Variants in ASCC2 observed in about 807,000 individuals in gnomAD.
ASCC2 encodes activating signal cointegrator 1 complex subunit 2.
A neutral mutation model predicts 93.5 loss-of-function variants in ASCC2; 42 were observed. That is an observed-to-expected ratio of 0.45 (90% CI 0.35 to 0.58). The LOEUF (loss-of-function observed/expected upper bound fraction) is 0.58, where lower values mean the gene tolerates loss of function less well. Ranked by LOEUF, ASCC2 falls within the 20% of genes least tolerant of loss-of-function variation. ASCC2 has a pLI of 0.00. For missense variants in ASCC2, 859 were observed against 977.6 expected (o/e 0.88, Z 1.62); for synonymous variants, 364 against 384.2 (o/e 0.95, Z 0.62).
chr22:29,802,140 T>C lies in ASCC2; in HGVS notation c.1422A>G (p.Gln474=). The change falls in exon 14 of 20, where the codon CAA becomes CAG. Residue 474 remains glutamine (Q), a synonymous_variant. Coordinates refer to ENST00000307790, the MANE Select transcript of ASCC2 (RefSeq NM_032204.5). ...CAAGGTCTGGCAGCAGGTCCTTCACTTGGGAGATGAGAGAGTCCAGTTCCA... is the reference window on the plus strand; with the variant it reads ...CAAGGTCTGGCAGCAGGTCCTTCACCTGGGAGATGAGAGAGTCCAGTTCCA... ...CGVELDSLIS[Q]VKDLLPDLGE... is the part of the protein sequence containing the mutation. 1.2e-6 allele frequency: 2 copies of C among 1,614,184 alleles called. No homozygotes were observed. Among genetic ancestry groups the C allele is most frequent in the Non-Finnish European group, 1.7e-6 (2 of 1,180,022 alleles).
intron 7 of ASCC2, 104 bp from the exon 8 acceptor site, chr22:29,813,646 G>T (rs1279756505): frequency 1.3e-6 from 1 of 759,924 alleles, no homozygotes; most frequent in Non-Finnish European, 2.2e-6. Context: ...AAACAGGCAG[G>T]ATGTTACACA....
In ASCC2 at chr22:29,827,757, G is replaced by GACACACACACAC. The variant is rs35763537; in HGVS notation, c.82-1989_82-1978dup. On this transcript the variant is annotated intron_variant, in intron 2 of 19. Transcript: ENST00000307790. ...CTCAGGCCAGGCTACTCATTCTCCC[G>GACACACACACAC]ACACACACACACACACACACACACA... 4.0e-3 allele frequency among the ~76,000 whole-genome samples: 406 copies of GACACACACACAC among 100,982 alleles called. 19 individuals carry two copies. Among genetic ancestry groups the GACACACACACAC allele is most frequent in the African/African-American group, 0.012 (299 of 25,264 alleles). The allele number at this position is 100,982 out of a possible 152,430, so 66.2% of individuals were successfully genotyped here.
rs2068470694 is a variant in ASCC2 at position 29,788,834 on chromosome 22, T to C, written c.*179A>G. ...CTGTGGCATAAGGCACTGTGTGTTC[T>C]GCAGGAAGGCGCTCATGGCTGGCTG... On this transcript the variant is annotated 3_prime_UTR_variant, in exon 20 of 20. Coordinates refer to ENST00000307790, the MANE Select transcript of ASCC2 (RefSeq NM_032204.5). The C allele has an allele frequency of 4.2e-6, 3 of 708,260 alleles. No individual in the cohort carries two copies. In the South Asian group the frequency reaches 5.4e-5, roughly 13 times the overall value. The allele number at this position is 708,260 out of a possible 1,614,324, so 43.9% of individuals were successfully genotyped here. A position where few individuals can be genotyped will look rare whatever the true frequency, so the allele number is the denominator to read the frequency against.
At chr22:29,822,132 A>C in intron 5 of ASCC2, 1 of 642,612 alleles carries the variant, frequency 1.6e-6, no homozygotes, top group African/African-American at 1.8e-5. Context: ...TCTGGTACAC[A>C]GTTTTATTTC....
At position 29,788,947 on chromosome 22, in the gene ASCC2, C is replaced by T; in HGVS notation, c.*66G>A. 1 of 1,601,180 alleles carries T rather than the reference C, an allele frequency of 6.2e-7. No individual in the cohort carries two copies. The highest frequency in any genetic ancestry group is 8.5e-7 in the Non-Finnish European group (1 of 1,170,682). Reference sequence around the variant, plus strand: ...CTTGGGGCCCCTAGTGAGGAGGCCCCAGGCGATGGGAGCACGGCCTGGTGA... The same window carrying T: ...CTTGGGGCCCCTAGTGAGGAGGCCCTAGGCGATGGGAGCACGGCCTGGTGA... On this transcript the variant is annotated 3_prime_UTR_variant, in exon 20 of 20. Transcript: ENST00000307790.
chr22:29,825,066 G>A lies in ASCC2; in HGVS notation c.411+21C>T. On this transcript the variant is annotated intron_variant, in intron 4 of 19. Transcript: ENST00000307790. This position sits in a 1 kb window ranked among gnomAD's most constrained non-coding sequence, Gnocchi z 4.9. ...GGTGTCGAGTATCGGGTGATGACCT[G>A]TCATGGGATCAGTGGCTTACTTTGG... 1.4e-6 allele frequency: 2 copies of A among 1,440,552 alleles called. No homozygotes were observed. The highest frequency in any genetic ancestry group is 9.2e-7 in the Non-Finnish European group (1 of 1,087,122). The allele number at this position is 1,440,552 out of a possible 1,614,324, so 89.2% of individuals were successfully genotyped here. A position where few individuals can be genotyped will look rare whatever the true frequency, so the allele number is the denominator to read the frequency against.
intron 7 of ASCC2, among the ~76,000 whole-genome samples, chr22:29,813,913 A>G (rs1013228701): frequency 3.9e-5 from 6 of 152,240 alleles, no homozygotes; most frequent in African/African-American, 1.2e-4. Flanking sequence ...TTAAGTCCAT[A>G]GGTTTTTCAC....
chr22:29,833,143 T>C (rs1475199007), intron 1 of ASCC2, among the ~76,000 whole-genome samples: 1 of 152,144 alleles, frequency 6.6e-6, no homozygotes, highest in African/African-American at 2.4e-5. Flanking sequence ...TGGCTCCAGC[T>C]CTGTGAGCTC....
intron 4 of ASCC2, 97 bp from the exon 5 acceptor site, chr22:29,822,561 T>C: frequency 2.1e-6 from 3 of 1,436,652 alleles, no homozygotes; most frequent in South Asian, 1.2e-5. Context: ...TTCCATCAAA[T>C]GGGGACTGGT....
chr22:29,820,791 A>C (rs1180412173), intron 5 of ASCC2, among the ~76,000 whole-genome samples: 1 of 151,730 alleles, frequency 6.6e-6, no homozygotes, highest in African/African-American at 2.4e-5. Context: ...CTGTAATCCC[A>C]GCTACTTCGG....
At chr22:29,796,726 G>C (rs941949605) in intron 15 of ASCC2, among the ~76,000 whole-genome samples, 2 of 152,208 alleles carry the variant, frequency 1.3e-5, no homozygotes, top group African/African-American at 2.4e-5. Flanking sequence ...AGGAGCCCAA[G>C]CTTGTTCAGG....
chr22:29,806,287 G>A lies in ASCC2; in HGVS notation c.1089C>T (p.Phe363=), dbSNP rs1203584728. Residue 363 remains phenylalanine (F), a synonymous_variant, in exon 12 of 20, where the codon TTC becomes TTT. Coordinates refer to ENST00000307790, the MANE Select transcript of ASCC2 (RefSeq NM_032204.5). ...GGAAGAGTGCATCATAGTCCCGGAG[G>A]AACCTGCAGGCAGATGAGAGCAGAT... is the stretch of plus-strand genomic sequence containing the variant. ...IFSSLLQEKR[F]LRDYDALFPV... 6 of 1,614,130 alleles carry A rather than the reference G, an allele frequency of 3.7e-6. No homozygotes were observed. The highest frequency in any genetic ancestry group is 1.7e-4 in the Middle Eastern group (1 of 6,058).
At chr22:29,812,758 A>C (rs546832090) in intron 8 of ASCC2, among the ~76,000 whole-genome samples, 1 of 152,246 alleles carries the variant, frequency 6.6e-6, no homozygotes, top group Admixed American at 6.5e-5. Flanking sequence ...TTTGTCTGGA[A>C]GATACCTGTT....
At chr22:29,817,119 T>C (rs2060951745) in intron 5 of ASCC2, among the ~76,000 whole-genome samples, 1 of 152,206 alleles carries the variant, frequency 6.6e-6, no homozygotes, top group African/African-American at 2.4e-5. Flanking sequence ...CTGTAAGCAC[T>C]TTCCTGGATG....
chr22:29,834,378 GA>G (rs1296743592), intron 1 of ASCC2: 17 of 401,814 alleles, frequency 4.2e-5, no homozygotes, highest in Middle Eastern at 4.2e-4. Context: ...CAAGGAGGTG[GA>G]AACAGCCTGG....
Position 29,827,899 on chromosome 22 carries a change from G to GACACAC in ASCC2, c.82-2125_82-2120dup, listed in dbSNP as rs5844872. Among the ~76,000 whole-genome samples, 101 of 39,998 alleles carry GACACAC rather than the reference G, an allele frequency of 2.5e-3. 17 individuals carry two copies. The highest frequency in any genetic ancestry group is 9.9e-3 in the African/African-American group (89 of 9,006). The allele number at this position is 39,998 out of a possible 152,430, so 26.2% of individuals were successfully genotyped here. On this transcript the variant is annotated intron_variant, in intron 2 of 19. Coordinates refer to ENST00000307790, the MANE Select transcript of ASCC2 (RefSeq NM_032204.5). The stretch of plus-strand genomic sequence containing the variant: ...CACACACCAGGCTACTCATTCTTCT[G>GACACAC]ACACACACACACACACACACACACA...
At chr22:29,804,928 AG>A in intron 12 of ASCC2, 98 bp from the exon 13 acceptor site, 1 of 1,369,950 alleles carries the variant, frequency 7.3e-7, no homozygotes, top group Non-Finnish European at 1.0e-6. Flanking sequence ...GGTTCCTGCC[AG>A]GGGCTTTCTG....
At chr22:29,818,425 C>G (rs1175569930) in intron 5 of ASCC2, among the ~76,000 whole-genome samples, 3 of 40,414 alleles carry the variant, frequency 7.4e-5, no homozygotes, top group East Asian at 1.4e-3. Flanking sequence ...CACACACACA[C>G]ACACACACAC....
intron 7 of ASCC2, among the ~76,000 whole-genome samples, chr22:29,814,189 T>C (rs2060582274): frequency 3.3e-5 from 5 of 152,178 alleles, no homozygotes; most frequent in South Asian, 4.1e-4. Flanking sequence ...ACCTGACACA[T>C]GTTGAGGCTT....
Sources: allele counts gnomAD v4.1 joint callset (sites outside exome capture counted in the v4.1 genomes callset), GRCh38; gene constraint gnomAD v4.1.1; non-coding constraint Gnocchi (gnomAD v3.1); transcripts MANE v1.5; gene names NCBI Gene and HGNC (gene_info 2026-07-23, HGNC 2026-07-21).